The following SPOCK3 variants were observed in gnomAD, a reference collection of about 807,000 sequenced individuals.
SPOCK3 encodes testican-3.
Under a neutral mutation model 56.6 loss-of-function variants are expected in SPOCK3, and 30 were observed. That is an observed-to-expected ratio of 0.53 (90% confidence interval 0.40 to 0.72). The LOEUF is 0.72. Ranked by LOEUF, SPOCK3 falls within the 30% of genes least tolerant of loss-of-function variation. SPOCK3 has a pLI of 0.00. For synonymous variants in SPOCK3, 196 were observed against 183.3 expected (o/e 1.07, Z -0.56); for missense variants, 527 against 530.0 (o/e 0.99, Z 0.06).
intron 6 of SPOCK3, among the ~76,000 whole-genome samples, chr4:166,879,911 C>T (rs1733511278): frequency 6.6e-6 from 1 of 152,118 alleles, no homozygotes; most frequent in African/African-American, 2.4e-5. Flanking sequence ...TCTCTCTCTG[C>T]CTCCTGTTCT....
intron 6 of SPOCK3, among the ~76,000 whole-genome samples, chr4:166,803,473 T>G (rs1415970513): frequency 6.6e-6 from 1 of 151,920 alleles, no homozygotes; most frequent in African/African-American, 2.4e-5. Context: ...TATAAAAAGG[T>G]CTCTCAAAAA....
intron 2 of SPOCK3, among the ~76,000 whole-genome samples, chr4:167,083,081 C>T (rs1162290572): frequency 6.6e-6 from 1 of 152,058 alleles, no homozygotes; most frequent in Admixed American, 6.6e-5. Context: ...CTTCAAAATA[C>T]CAAAGAGCCC....
intron 3 of SPOCK3, among the ~76,000 whole-genome samples, chr4:167,021,593 C>G (rs192914554): frequency 1.3e-5 from 2 of 152,004 alleles, no homozygotes; most frequent in African/African-American, 4.8e-5. Context: ...CCCTACCCCT[C>G]TCTCCGGTCG....
At chr4:167,009,322 G>A (rs1251185809) in intron 3 of SPOCK3, among the ~76,000 whole-genome samples, 2 of 152,002 alleles carry the variant, frequency 1.3e-5, no homozygotes, top group Non-Finnish European at 2.9e-5. Flanking sequence ...TTCCTGAAGA[G>A]CTCCTTCTTT....
At chr4:167,177,815 T>C (rs992211531) in intron 2 of SPOCK3, among the ~76,000 whole-genome samples, 2 of 152,144 alleles carry the variant, frequency 1.3e-5, no homozygotes, top group Non-Finnish European at 2.9e-5. Flanking sequence ...CTGATGTTGA[T>C]GTTCTGTGAG....
At chr4:166,752,294 A>G (rs1230184294) in intron 8 of SPOCK3, among the ~76,000 whole-genome samples, 1 of 152,114 alleles carries the variant, frequency 6.6e-6, no homozygotes, top group Non-Finnish European at 1.5e-5. Context: ...AAGTGCCAGG[A>G]TTACAGGCAT....
intron 4 of SPOCK3, among the ~76,000 whole-genome samples, chr4:166,913,361 G>T (rs1354328460): frequency 6.6e-6 from 1 of 152,026 alleles, no homozygotes; most frequent in Admixed American, 6.6e-5. Context: ...CTACACTTAC[G>T]ATTGTTTGTT....
chr4:167,195,438 G>T (rs111352941), intron 2 of SPOCK3, among the ~76,000 whole-genome samples: 2,897 of 152,288 alleles, frequency 0.019, 37 homozygotes, highest in Non-Finnish European at 0.03. Context: ...GTTGAGAGAG[G>T]CTAGAACCAA....
chr4:166,766,790 A>T (rs1231174717), intron 7 of SPOCK3, among the ~76,000 whole-genome samples: 1 of 152,216 alleles, frequency 6.6e-6, no homozygotes, highest in Non-Finnish European at 1.5e-5. Flanking sequence ...TACCTCTGGT[A>T]GAATTTGGCT....
chr4:166,996,256 T>G (rs1436249134), intron 4 of SPOCK3, among the ~76,000 whole-genome samples: 2 of 152,158 alleles, frequency 1.3e-5, no homozygotes, highest in Non-Finnish European at 2.9e-5. Context: ...GTCCTACAAC[T>G]TATTCAACCT....
intron 6 of SPOCK3, among the ~76,000 whole-genome samples, chr4:166,825,263 T>C (rs1427732510): frequency 1.3e-5 from 2 of 152,110 alleles, no homozygotes; most frequent in Admixed American, 1.3e-4. Context: ...TTTTCTGACC[T>C]GAGAAGTAAA....
intron 6 of SPOCK3, among the ~76,000 whole-genome samples, chr4:166,829,862 T>C (rs918676096): frequency 5.3e-5 from 8 of 152,120 alleles, no homozygotes; most frequent in African/African-American, 1.7e-4. Context: ...ATTATTATTA[T>C]CATAAGATAA....
chr4:166,930,019 AC>A (rs1288065894), intron 4 of SPOCK3, among the ~76,000 whole-genome samples: 1 of 152,170 alleles, frequency 6.6e-6, no homozygotes, highest in Non-Finnish European at 1.5e-5. Flanking sequence ...AGGAAAATGA[AC>A]CATGATGTAG....
intron 2 of SPOCK3, among the ~76,000 whole-genome samples, chr4:167,138,351 T>G (rs1392259019): frequency 2.0e-5 from 3 of 151,942 alleles, no homozygotes; most frequent in Admixed American, 1.3e-4. Context: ...TGAAAAAGGT[T>G]ATTCTTATTA....
intron 4 of SPOCK3, among the ~76,000 whole-genome samples, chr4:166,930,268 G>A (rs142939653): frequency 0.033 from 5,044 of 152,152 alleles, 135 homozygotes; most frequent in Non-Finnish European, 0.054. Context: ...GAAGAAAAAG[G>A]GGAGTAAAGA....
intron 3 of SPOCK3, among the ~76,000 whole-genome samples, chr4:167,007,818 C>T (rs1169394357): frequency 6.6e-6 from 1 of 152,126 alleles, no homozygotes; most frequent in African/African-American, 2.4e-5. Flanking sequence ...GCTTTTCCTC[C>T]TCTCGTGAGT....
chr4:167,084,634 G>C (rs1276328074), intron 2 of SPOCK3, among the ~76,000 whole-genome samples: 1 of 151,828 alleles, frequency 6.6e-6, no homozygotes, highest in African/African-American at 2.4e-5. Context: ...CCTATCATAG[G>C]AAGTGGGAAG....
chr4:167,040,549 T>C (rs1473692768), intron 3 of SPOCK3, among the ~76,000 whole-genome samples: 6 of 152,220 alleles, frequency 3.9e-5, no homozygotes, highest in African/African-American at 1.4e-4. Flanking sequence ...GCCTTATGTA[T>C]GGTAACAATG....
intron 4 of SPOCK3, among the ~76,000 whole-genome samples, chr4:166,954,090 AAAAG>A (rs1234444478): frequency 1.3e-5 from 2 of 152,188 alleles, no homozygotes; most frequent in Admixed American, 6.6e-5. Context: ...ATAATAAAAA[AAAAG>A]AAATATCTAT....
Sources: allele counts gnomAD v4.1 joint callset (sites outside exome capture counted in the v4.1 genomes callset), GRCh38; gene constraint gnomAD v4.1.1; transcripts MANE v1.5; gene names NCBI Gene and HGNC (gene_info 2026-07-23, HGNC 2026-07-21).